Variants in PPP2R5A observed in about 807,000 individuals in gnomAD.
PPP2R5A encodes the protein serine/threonine-protein phosphatase 2A 56 kDa regulatory subunit alpha isoform.
Under a neutral mutation model 64.2 loss-of-function variants are expected in PPP2R5A, and 25 were observed. The ratio of observed to expected loss-of-function variants is 0.39; its 90% CI spans 0.28 to 0.54. The LOEUF (loss-of-function observed/expected upper bound fraction) is 0.54, where lower values mean the gene tolerates loss of function less well. Ranked by LOEUF, PPP2R5A falls within the 20% of genes least tolerant of loss-of-function variation. The pLI, the probability that PPP2R5A is intolerant of heterozygous loss-of-function variation, is 0.67. For synonymous variants in PPP2R5A, 198 were observed against 201.2 expected, an observed-to-expected ratio of 0.98 and a Z score of 0.13; for missense variants, 425 against 576.3, an observed-to-expected ratio of 0.74 and a Z score of 2.69.
chr1:212,328,678 A>G (rs528441053), intron 1 of PPP2R5A, among the ~76,000 whole-genome samples: 7 of 152,208 alleles, frequency 4.6e-5, no homozygotes, highest in Non-Finnish European at 1.0e-4. Flanking sequence ...ATGGGACCAG[A>G]TAAGAGGAGC....
Position 212,342,274 on chromosome 1 carries a change from A to G in PPP2R5A, c.567A>G (p.Val189=), listed in dbSNP as rs1332457284. 2.5e-6 allele frequency: 4 copies of G among 1,612,790 alleles called. No individual in the cohort carries two copies. Among genetic ancestry groups the G allele is most frequent in the African/African-American group, 1.3e-5 (1 of 74,904 alleles). The change falls in exon 4 of 13, where the codon GTA becomes GTG. Residue 189 remains valine (V), a synonymous_variant. Coordinates refer to ENST00000261461, the MANE Select transcript of PPP2R5A (RefSeq NM_006243.4). ...AACGATACATTGATCAGAAATTCGT[A>G]CAACAGGTAAGGAACTCTTTTGTCT... ...IAKRYIDQKF[V]QQLLELFDSE... is the part of the protein sequence containing the mutation.
At chr1:212,330,471 C>A (rs1659483417) in intron 2 of PPP2R5A, among the ~76,000 whole-genome samples, 1 of 151,842 alleles carries the variant, frequency 6.6e-6, no homozygotes, top group South Asian at 2.1e-4. Context: ...ATCGCTTGAG[C>A]CCAGGAGTTC....
intron 5 of PPP2R5A, among the ~76,000 whole-genome samples, chr1:212,346,292 T>C (rs1659776642): frequency 6.6e-6 from 1 of 151,966 alleles, no homozygotes. Flanking sequence ...ATATGTAACA[T>C]ACTATGTATG....
intron 5 of PPP2R5A, 124 bp downstream of exon 5, chr1:212,346,057 A>G (rs1303914596): frequency 4.2e-6 from 4 of 954,064 alleles, no homozygotes; most frequent in Non-Finnish European, 5.9e-6. Context: ...GCTGGAGTGC[A>G]GTGGTGAGAA....
chr1:212,334,320 G>C (rs1486954267), intron 3 of PPP2R5A, among the ~76,000 whole-genome samples: 4 of 151,634 alleles, frequency 2.6e-5, no homozygotes, highest in African/African-American at 9.7e-5. Context: ...GATGGGGTCT[G>C]GTTCTGTCAC....
chr1:212,340,086 G>T (rs952727404), intron 3 of PPP2R5A, among the ~76,000 whole-genome samples: 1 of 151,076 alleles, frequency 6.6e-6, no homozygotes, highest in Non-Finnish European at 1.5e-5. Flanking sequence ...TTGAGCCTGG[G>T]AGTTCGAGAC....
chr1:212,322,260 G>GA, intron 1 of PPP2R5A, among the ~76,000 whole-genome samples: 1 of 117,724 alleles, frequency 8.5e-6, no homozygotes, highest in Non-Finnish European at 1.8e-5. Context: ...AGAGGGAGAG[G>GA]GAGAGGAGGG....
chr1:212,312,514 T>C (rs1659058762), intron 1 of PPP2R5A, among the ~76,000 whole-genome samples: 2 of 152,238 alleles, frequency 1.3e-5, no homozygotes, highest in Non-Finnish European at 2.9e-5. Flanking sequence ...ACTTCTCACC[T>C]TGTCTTGTCA....
chr1:212,311,680 G>A (rs1433327638), intron 1 of PPP2R5A, among the ~76,000 whole-genome samples: 2 of 152,110 alleles, frequency 1.3e-5, no homozygotes, highest in African/African-American at 2.4e-5. Flanking sequence ...AGACAGTGAC[G>A]TAGATGATCC....
At chr1:212,286,397 C>T (rs1658500787) in intron 1 of PPP2R5A, 106 bp downstream of exon 1, 4 of 1,270,012 alleles carry the variant, frequency 3.1e-6, no homozygotes, top group Non-Finnish European at 4.1e-6. Context: ...TCAGTTGGGA[C>T]TGGTAGTGTG....
intron 1 of PPP2R5A, among the ~76,000 whole-genome samples, chr1:212,322,948 G>C (rs150689843): frequency 0.014 from 2,162 of 152,104 alleles, 50 homozygotes; most frequent in African/African-American, 0.048. Context: ...ACCATGCCCG[G>C]CTAATTTTTT....
At chr1:212,357,444 T>A in intron 11 of PPP2R5A, 160 bp downstream of exon 11, 1 of 579,932 alleles carries the variant, frequency 1.7e-6, no homozygotes, top group South Asian at 4.6e-5. Flanking sequence ...TACGTATACC[T>A]TTATCAAGTT....
At chr1:212,336,812 G>A (rs1038380791) in intron 3 of PPP2R5A, among the ~76,000 whole-genome samples, 2 of 152,070 alleles carry the variant, frequency 1.3e-5, no homozygotes, top group African/African-American at 4.8e-5. Context: ...TAACCCACCT[G>A]GAATTCTTTT....
At chr1:212,306,224 A>G (rs1658898171) in intron 1 of PPP2R5A, among the ~76,000 whole-genome samples, 1 of 152,142 alleles carries the variant, frequency 6.6e-6, no homozygotes. Context: ...GGTGTCTGTA[A>G]TGAGCCATAA....
chr1:212,309,100 A>G, intron 1 of PPP2R5A: 1 of 903,214 alleles, frequency 1.1e-6, no homozygotes, highest in Non-Finnish European at 1.8e-6. Context: ...ATCAGGAGCC[A>G]GTCAAACATA....
At chr1:212,318,283 G>T (rs1444311954) in intron 1 of PPP2R5A, among the ~76,000 whole-genome samples, 1 of 144,284 alleles carries the variant, frequency 6.9e-6, no homozygotes, top group Non-Finnish European at 1.6e-5. Context: ...GCAAAGCAAG[G>T]CATATCTGTT....
At chr1:212,301,915 ATTATAG>A (rs1251554138) in intron 1 of PPP2R5A, 20 of 1,324,184 alleles carry the variant, frequency 1.5e-5, no homozygotes, top group Non-Finnish European at 1.8e-5. Flanking sequence ...TCTAAGGAAA[ATTATAG>A]TTATAAAATT....
chr1:212,322,288 A>G, intron 1 of PPP2R5A, among the ~76,000 whole-genome samples: 4 of 146,582 alleles, frequency 2.7e-5, no homozygotes, highest in Non-Finnish European at 6.0e-5. Flanking sequence ...GAGGAGGGAG[A>G]GGGAGAGCTT....
At chr1:212,305,946 C>T (rs1658892166) in intron 1 of PPP2R5A, among the ~76,000 whole-genome samples, 1 of 152,022 alleles carries the variant, frequency 6.6e-6, no homozygotes, top group South Asian at 2.1e-4. Flanking sequence ...ACTCAAAATC[C>T]TAAGGAAATT....
Sources: allele counts gnomAD v4.1 joint callset (sites outside exome capture counted in the v4.1 genomes callset), GRCh38; gene constraint gnomAD v4.1.1; transcripts MANE v1.5; gene names NCBI Gene and HGNC (gene_info 2026-07-23, HGNC 2026-07-21).